The following SKIL variants were observed in gnomAD, a reference collection of about 807,000 sequenced individuals.
SKIL encodes the protein SKI like proto-oncogene.
SKIL carries 20 observed loss-of-function variants against 69.6 expected under a neutral mutation model. The observed-to-expected ratio is 0.29, with a 90% CI of 0.20 to 0.42. SKIL has a LOEUF of 0.42. Among genes scored for constraint, SKIL ranks in the 10% least tolerant of loss-of-function variants. The probability of loss-of-function intolerance (pLI) is 1.00; values close to 1 mark genes in which losing one functional copy is unlikely to be tolerated. For missense variants in SKIL, 745 were observed against 783.1 expected, an observed-to-expected ratio of 0.95 and a Z score of 0.58; for synonymous variants, 310 against 279.9, an observed-to-expected ratio of 1.11 and a Z score of -1.08.
intron 5 of SKIL, 23 bp from the exon 6 acceptor site, chr3:170,391,013 T>G: frequency 8.0e-7 from 1 of 1,250,760 alleles, no homozygotes; most frequent in Non-Finnish European, 1.1e-6. Context: ...GTAAAACTTG[T>G]ATTGTGATTC....
Position 170,360,759 on chromosome 3 carries a change from A to C in SKIL, c.428A>C (p.Glu143Ala). ...PLLIPSDSST[E>A]LTQTVLEGES... ...CTCATCCCTTCAGATAGCTCCACAGAACTCACTCAGACTGTGTTGGAAGGG... is the reference window on the plus strand; with the variant it reads ...CTCATCCCTTCAGATAGCTCCACAGCACTCACTCAGACTGTGTTGGAAGGG... The change falls in exon 2 of 7, where the codon GAA becomes GCA. Residue 143 changes from glutamate (E) to alanine (A), a missense_variant. Physicochemically the swap from Glu to Ala is moderately radical, Grantham distance 107 (BLOSUM62 -1). Transcript: ENST00000259119. The C allele has an allele frequency of 6.2e-7, 1 of 1,614,142 alleles. No homozygotes were observed. The highest frequency in any genetic ancestry group is 8.5e-7 in the Non-Finnish European group (1 of 1,180,028).
intron 2 of SKIL, among the ~76,000 whole-genome samples, chr3:170,365,058 G>A (rs1003150515): frequency 2.0e-5 from 3 of 152,082 alleles, no homozygotes; most frequent in Non-Finnish European, 2.9e-5. Context: ...TATTTAATAC[G>A]TACTTGAGTG....
At chr3:170,373,954 T>A (rs1736908789) in intron 2 of SKIL, among the ~76,000 whole-genome samples, 1 of 152,212 alleles carries the variant, frequency 6.6e-6, no homozygotes, top group South Asian at 2.1e-4. Context: ...TGAATAATGC[T>A]GAGCAGGTGG....
chr3:170,396,602 C>T lies in SKIL; in HGVS notation c.*4185C>T, dbSNP rs980747175. The T allele has an allele frequency of 1.3e-5, 2 of 152,172 alleles. No homozygotes were observed. Among genetic ancestry groups the T allele is most frequent in the Non-Finnish European group, 2.9e-5 (2 of 68,016 alleles). 9.4% of individuals were successfully genotyped at this position (152,172 alleles called of 1,614,324 possible). On this transcript the variant is annotated 3_prime_UTR_variant, in exon 7 of 7. Transcript: ENST00000259119. The stretch of plus-strand genomic sequence containing the variant: ...TGGTTGCATTACATGACACAGAAAA[C>T]TGTCCTCTACCTCACGTGAAATAAA...
At chr3:170,376,062 T>TA (rs1237133889) in intron 2 of SKIL, among the ~76,000 whole-genome samples, 6 of 148,792 alleles carry the variant, frequency 4.0e-5, no homozygotes, top group Non-Finnish European at 8.9e-5. Flanking sequence ...TTTTTTTTTT[T>TA]TTTGAGACGG....
At position 170,360,758 on chromosome 3, in the gene SKIL, G is replaced by A; in HGVS notation, c.427G>A (p.Glu143Lys). The A allele has an allele frequency of 2.5e-6, 4 of 1,614,118 alleles. No homozygotes were observed. The highest frequency in any genetic ancestry group is 3.4e-6 in the Non-Finnish European group (4 of 1,180,006). Residue 143 changes from glutamate to lysine, a missense_variant, in exon 2 of 7, where the codon GAA becomes AAA. Coordinates refer to ENST00000259119, the MANE Select transcript of SKIL (RefSeq NM_005414.5). ...PLLIPSDSST[E>K]LTQTVLEGES... ...GCTCATCCCTTCAGATAGCTCCACA[G>A]AACTCACTCAGACTGTGTTGGAAGG...
At chr3:170,358,653 G>A (rs1000409622) in intron 1 of SKIL, 8 of 152,242 alleles carry the variant, frequency 5.3e-5, no homozygotes, top group African/African-American at 1.9e-4. Context: ...AAGGTAAAGT[G>A]CTGAGAGTTT....
chr3:170,390,154 G>A (rs934842732), intron 4 of SKIL, 69 bp from the exon 5 acceptor site: 2 of 1,067,284 alleles, frequency 1.9e-6, no homozygotes, highest in Admixed American at 2.2e-5. Context: ...TTACATTTAT[G>A]GATTGTTCTA....
chr3:170,358,321 G>A (rs1054585264), intron 1 of SKIL, among the ~76,000 whole-genome samples: 1 of 151,772 alleles, frequency 6.6e-6, no homozygotes, highest in African/African-American at 2.4e-5. Flanking sequence ...CGGCCCCCGC[G>A]GGGGGGCGGT....
rs183134902 is a variant in SKIL at position 170,380,600 on chromosome 3, G to A, written c.1099-644G>A. Among the ~76,000 whole-genome samples, 768 of 151,134 alleles carry A rather than the reference G, an allele frequency of 5.1e-3. 13 individuals are homozygous for A. The highest frequency in any genetic ancestry group is 0.043 in the South Asian group (207 of 4,790). ...GGAGGTTGCAGTGAGCCAAGATCGC[G>A]CCACTGCACTCCAGCCTGGGTGACA... On this transcript the variant is annotated intron_variant, in intron 2 of 6. Coordinates refer to ENST00000259119, the MANE Select transcript of SKIL (RefSeq NM_005414.5).
chr3:170,364,359 T>C (rs1409385599), intron 2 of SKIL, among the ~76,000 whole-genome samples: 1 of 125,246 alleles, frequency 8.0e-6, no homozygotes, highest in Non-Finnish European at 1.6e-5. Context: ...GTTTCGCTCT[T>C]ATTGCCCAGG....
At chr3:170,368,899 G>A (rs1185038692) in intron 2 of SKIL, among the ~76,000 whole-genome samples, 1 of 152,110 alleles carries the variant, frequency 6.6e-6, no homozygotes, top group Non-Finnish European at 1.5e-5. Flanking sequence ...CATTTATTCG[G>A]TTGATACCAC....
chr3:170,362,262 G>A (rs532418858), intron 2 of SKIL, among the ~76,000 whole-genome samples: 3 of 152,160 alleles, frequency 2.0e-5, no homozygotes, highest in Non-Finnish European at 4.4e-5. Context: ...CAACACTTTG[G>A]GGGGCTGAAG....
In SKIL at chr3:170,395,965, G is replaced by A. The variant is rs1474906768; in HGVS notation, c.*3548G>A. 6.7e-6 allele frequency: 1 copy of A among 148,936 alleles called. No homozygotes were observed. The highest frequency in any genetic ancestry group is 2.1e-4 in the South Asian group (1 of 4,752). The allele number at this position is 148,936 out of a possible 1,614,324, so 9.2% of individuals were successfully genotyped here. Reference sequence around the variant, plus strand: ...TACTTAAGCATTTCCACTTTTGGAAGAAAAGTGTATTAGTATTTTATATTG... The same window carrying A: ...TACTTAAGCATTTCCACTTTTGGAAAAAAAGTGTATTAGTATTTTATATTG... On this transcript the variant is annotated 3_prime_UTR_variant, in exon 7 of 7. Transcript: ENST00000259119.
Position 170,360,421 on chromosome 3 carries a change from A to G in SKIL, c.90A>G (p.Lys30=), listed in dbSNP as rs969947737. The change falls in exon 2 of 7, where the codon AAA becomes AAG. Residue 30 remains lysine (K), a synonymous_variant. Coordinates refer to ENST00000259119, the MANE Select transcript of SKIL (RefSeq NM_005414.5). ...GMGDDGSPPA[K]KMITDIHANG... ...GAGATGATGGCAGCCCCCCAGCGAA[A>G]AAAATGATAACGGACATTCATGCAA... 9.3e-6 allele frequency: 15 copies of G among 1,613,470 alleles called. No individual in the cohort carries two copies. The highest frequency in any genetic ancestry group is 1.3e-5 in the Non-Finnish European group (15 of 1,179,712).
chr3:170,392,057 C>T lies in SKIL; in HGVS notation c.1897-202C>T, dbSNP rs557940466. 9.8e-5 allele frequency among the ~76,000 whole-genome samples: 15 copies of T among 152,296 alleles called. No individual in the cohort carries two copies. In the South Asian group the frequency reaches 3.1e-3, roughly 32 times the overall value. On this transcript the variant is annotated intron_variant, in intron 6 of 6. Transcript: ENST00000259119. ...GAACATGAACATGCTGGATGTGTTC[C>T]TTCCTCTTGTTCCTTTGCTTTTTCT...
At chr3:170,382,233 T>C (rs1487062567) in intron 3 of SKIL, among the ~76,000 whole-genome samples, 1 of 152,130 alleles carries the variant, frequency 6.6e-6, no homozygotes, top group Non-Finnish European at 1.5e-5. Context: ...GAATCTGAAA[T>C]GAAATGAATT....
chr3:170,386,187 A>G (rs1220962650), intron 4 of SKIL, among the ~76,000 whole-genome samples: 4 of 149,424 alleles, frequency 2.7e-5, no homozygotes, highest in Non-Finnish European at 4.4e-5. Context: ...CTAGAGTGCA[A>G]CGGTGTGATC....
intron 2 of SKIL, among the ~76,000 whole-genome samples, chr3:170,365,818 C>T (rs953633764): frequency 2.8e-5 from 4 of 141,566 alleles, no homozygotes; most frequent in African/African-American, 8.2e-5. Context: ...TGCAATGGCG[C>T]GATCTTGGCT....
Sources: gnomAD v4.1 joint callset for allele counts (sites outside exome capture counted in the v4.1 genomes callset) on GRCh38, gnomAD v4.1.1 for gene constraint, MANE v1.5 for transcripts, NCBI Gene and HGNC (gene_info 2026-07-23, HGNC 2026-07-21) for gene names.